Variants in RBPMS observed in about 807,000 individuals in gnomAD.
RBPMS encodes the protein RNA binding protein, mRNA processing factor, also known as RNA-binding protein with multiple splicing.
Under a neutral mutation model 26.8 loss-of-function variants are expected in RBPMS, and 7 were observed. The observed-to-expected ratio is 0.26, with a 90% confidence interval of 0.15 to 0.49. The LOEUF (loss-of-function observed/expected upper bound fraction) is 0.49. RBPMS is among the 20% of genes least tolerant of loss of function. RBPMS has a pLI of 0.98. For missense variants in RBPMS, 186 were observed against 250.0 expected (o/e 0.74, Z 1.73); for synonymous variants, 96 against 93.3 (o/e 1.03, Z -0.17).
intron 4 of RBPMS, among the ~76,000 whole-genome samples, chr8:30,493,078 A>C (rs2150894235): frequency 6.6e-6 from 1 of 152,344 alleles, no homozygotes; most frequent in South Asian, 2.1e-4. Flanking sequence ...AAGTCAGTGA[A>C]GTTGGCCATT....
chr8:30,437,079 T>C (rs1334575196), intron 1 of RBPMS, among the ~76,000 whole-genome samples: 3 of 151,650 alleles, frequency 2.0e-5, no homozygotes, highest in Non-Finnish European at 2.9e-5. Context: ...CCCGCCACCA[T>C]GCCCGCTAAT....
chr8:30,550,578 A>G (rs1425101192), intron 6 of RBPMS, among the ~76,000 whole-genome samples: 1 of 152,220 alleles, frequency 6.6e-6, no homozygotes, highest in Non-Finnish European at 1.5e-5. Flanking sequence ...AGGGGCTGCT[A>G]GAGACCTCAC....
chr8:30,568,915 C>CA (rs1828075771), intron 8 of RBPMS, among the ~76,000 whole-genome samples: 1 of 152,214 alleles, frequency 6.6e-6, no homozygotes. Context: ...ATTTACATGG[C>CA]AGTTATGGAA....
At chr8:30,524,693 ACTTT>A (rs1443434906) in intron 5 of RBPMS, among the ~76,000 whole-genome samples, 6 of 152,170 alleles carry the variant, frequency 3.9e-5, no homozygotes, top group Admixed American at 1.3e-4. Flanking sequence ...AACATTCTGC[ACTTT>A]CTTCTCTCAT....
At chr8:30,446,244 T>C (rs1314331958) in intron 1 of RBPMS, among the ~76,000 whole-genome samples, 2 of 152,230 alleles carry the variant, frequency 1.3e-5, no homozygotes, top group Non-Finnish European at 2.9e-5. Context: ...ATCTGCGAAG[T>C]AGATTTGGTC....
At chr8:30,513,275 T>C (rs1225315072) in intron 5 of RBPMS, among the ~76,000 whole-genome samples, 1 of 151,960 alleles carries the variant, frequency 6.6e-6, no homozygotes, top group Non-Finnish European at 1.5e-5. Context: ...TATTAAATCA[T>C]TGAACAGCTG....
intron 5 of RBPMS, among the ~76,000 whole-genome samples, chr8:30,511,626 T>C (rs945484995): frequency 1.3e-5 from 2 of 149,230 alleles, no homozygotes; most frequent in African/African-American, 4.9e-5. Flanking sequence ...TGTATATATA[T>C]GTGTGTGTGT....
At chr8:30,555,922 G>A (rs1034551458) in intron 6 of RBPMS, 7 of 984,328 alleles carry the variant, frequency 7.1e-6, no homozygotes, top group Middle Eastern at 5.2e-4. Flanking sequence ...CCACCGGGCC[G>A]GCTGCCCGAA....
chr8:30,431,038 T>C (rs1811870036), intron 1 of RBPMS, among the ~76,000 whole-genome samples: 1 of 152,220 alleles, frequency 6.6e-6, no homozygotes, highest in Non-Finnish European at 1.5e-5. Context: ...ATGTATTCTT[T>C]ATTAGTCTCA....
At chr8:30,491,540 C>T (rs1819391750) in intron 4 of RBPMS, among the ~76,000 whole-genome samples, 2 of 152,106 alleles carry the variant, frequency 1.3e-5, no homozygotes. Flanking sequence ...TGAAAATATA[C>T]TTGGAGGCCT....
rs538112701 is a variant in RBPMS at position 30,392,687 on chromosome 8, T to G, written c.66+7529T>G. ...GCAACTGAGGCAGAGATGCCAGGTG[T>G]TCAGGGCCTAGATAACTGTCAGATG... On this transcript the variant is annotated intron_variant, in intron 1 of 8. Coordinates refer to ENST00000397323, the MANE Select transcript of RBPMS (RefSeq NM_001008710.3). 2.9e-4 allele frequency among the ~76,000 whole-genome samples: 44 copies of G among 152,286 alleles called. 2 individuals are homozygous for G. The South Asian group carries it at 9.1e-3, about 32-fold the overall frequency.
chr8:30,552,486 C>G (rs1177410701), intron 6 of RBPMS: 1 of 152,178 alleles, frequency 6.6e-6, no homozygotes, highest in East Asian at 1.9e-4. Context: ...GTGGGACACC[C>G]CAACTTCAAG....
At chr8:30,484,368 C>G (rs557668529) in intron 4 of RBPMS, among the ~76,000 whole-genome samples, 25 of 152,174 alleles carry the variant, frequency 1.6e-4, no homozygotes, top group African/African-American at 6.0e-4. Context: ...TGTGACAGTT[C>G]TAAGTAATGG....
intron 1 of RBPMS, chr8:30,442,790 C>G (rs756749855): frequency 2.0e-5 from 3 of 151,928 alleles, no homozygotes; most frequent in East Asian, 1.9e-4. Context: ...GCGAGGGCAC[C>G]GAGAGCCACG....
intron 4 of RBPMS, among the ~76,000 whole-genome samples, chr8:30,482,682 A>G (rs1421294771): frequency 6.6e-6 from 1 of 152,230 alleles, no homozygotes; most frequent in East Asian, 1.9e-4. Context: ...TAGGCAAAGA[A>G]TAACCCAAAC....
chr8:30,454,122 T>A (rs2150754812), intron 1 of RBPMS, among the ~76,000 whole-genome samples: 1 of 152,344 alleles, frequency 6.6e-6, no homozygotes, highest in Middle Eastern at 3.4e-3. Context: ...TTTGTTTTCT[T>A]GAACATACTT....
At chr8:30,555,512 T>G (rs891795700) in intron 6 of RBPMS, among the ~76,000 whole-genome samples, 2 of 152,160 alleles carry the variant, frequency 1.3e-5, no homozygotes, top group African/African-American at 4.8e-5. Flanking sequence ...GAGAAGCCCC[T>G]GGAATTGTGT....
chr8:30,498,790 A>G (rs1244535359), intron 4 of RBPMS, among the ~76,000 whole-genome samples: 2 of 152,206 alleles, frequency 1.3e-5, no homozygotes, highest in Non-Finnish European at 1.5e-5. Context: ...GGCAAAGGAG[A>G]GGGATAGAAT....
chr8:30,415,839 G>A (rs1407361560), intron 1 of RBPMS, among the ~76,000 whole-genome samples: 1 of 152,230 alleles, frequency 6.6e-6, no homozygotes, highest in Non-Finnish European at 1.5e-5. Flanking sequence ...GGAGCATGTT[G>A]CATAGAAGAA....
Sources: gnomAD v4.1 joint callset for allele counts (sites outside exome capture counted in the v4.1 genomes callset) on GRCh38, gnomAD v4.1.1 for gene constraint, MANE v1.5 for transcripts, NCBI Gene and HGNC (gene_info 2026-07-23, HGNC 2026-07-21) for gene names.